Variants in DCDC2 observed in about 807,000 individuals in gnomAD.
DCDC2 encodes doublecortin domain-containing protein 2.
A neutral mutation model predicts 50.2 loss-of-function variants in DCDC2; 40 were observed. That is an observed-to-expected ratio of 0.80 (90% CI 0.62 to 1.04). The LOEUF (loss-of-function observed/expected upper bound fraction) is 1.04, where lower values mean the gene tolerates loss of function less well. DCDC2 is among the 50% of genes least tolerant of loss of function. The pLI is 0.00. For synonymous variants in DCDC2, 234 were observed against 210.6 expected, an observed-to-expected ratio of 1.11 and a Z score of -0.96; for missense variants, 570 against 581.9, an observed-to-expected ratio of 0.98 and a Z score of 0.21.
intron 4 of DCDC2, among the ~76,000 whole-genome samples, chr6:24,297,139 A>G (rs186282281): frequency 0.014 from 2,110 of 152,304 alleles, 28 homozygotes; most frequent in Non-Finnish European, 0.018. Context: ...GCCATAAAAA[A>G]GGGTCAGATC....
intron 2 of DCDC2, among the ~76,000 whole-genome samples, chr6:24,344,915 G>C (rs1760228344): frequency 6.6e-6 from 1 of 152,174 alleles, no homozygotes; most frequent in Admixed American, 6.5e-5. Context: ...AGTGGTGGGG[G>C]AAAAGGTATA....
At position 24,227,705 on chromosome 6, in the gene DCDC2, T is replaced by C. The variant is rs139559204; in HGVS notation, c.923-22603A>G. Among the ~76,000 whole-genome samples, 302 of 152,266 alleles carry C rather than the reference T, an allele frequency of 2.0e-3. 1 individual carries two copies. Among genetic ancestry groups the C allele is most frequent in the African/African-American group, 7.1e-3 (297 of 41,548 alleles). ...TGCTAACTGGCTGGGAATGACAGAA[T>C]CCACCTGCTGGTTTTGCTAGCAGCA... On this transcript the variant is annotated intron_variant, in intron 7 of 9. Coordinates refer to ENST00000378454, the MANE Select transcript of DCDC2 (RefSeq NM_016356.5).
chr6:24,290,810 T>A lies in DCDC2; in HGVS notation c.704+122A>T, dbSNP rs549869381. ...AAAGATCAATGTATACCATATATGC[T>A]TTCCATTCTAAGTAATAAATAAGAT... On this transcript the variant is annotated intron_variant, in intron 5 of 9. Transcript: ENST00000378454. 6 of 871,444 alleles carry A rather than the reference T, an allele frequency of 6.9e-6. No individual in the cohort carries two copies. The East Asian group carries it at 1.7e-4, about 24-fold the overall frequency. 54.0% of individuals were successfully genotyped at this position (871,444 alleles called of 1,614,324 possible).
intron 2 of DCDC2, among the ~76,000 whole-genome samples, chr6:24,342,642 G>A (rs1243511224): frequency 6.6e-6 from 1 of 151,776 alleles, no homozygotes; most frequent in Non-Finnish European, 1.5e-5. Context: ...AAAATAGATA[G>A]AAAGCAGGTA....
At chr6:24,242,778 A>G (rs77098053) in intron 7 of DCDC2, among the ~76,000 whole-genome samples, 3,038 of 152,222 alleles carry the variant, frequency 0.02, 89 homozygotes, top group African/African-American at 0.065. Context: ...CCTGGCCAAC[A>G]TAACAAAACC....
intron 7 of DCDC2, among the ~76,000 whole-genome samples, chr6:24,223,964 C>G (rs1176313703): frequency 3.3e-5 from 5 of 152,222 alleles, no homozygotes; most frequent in Non-Finnish European, 7.3e-5. Context: ...TTCTAATGAC[C>G]TTGACCTCAT....
At chr6:24,364,767 C>T in the DCDC2 span, among the ~76,000 whole-genome samples, 1 of 151,862 alleles carries the variant, frequency 6.6e-6, no homozygotes, top group Non-Finnish European at 1.5e-5. Flanking sequence ...CCTTGACAAC[C>T]GAAGAGATTC....
chr6:24,229,020 G>A (rs574658471), intron 7 of DCDC2, among the ~76,000 whole-genome samples: 2 of 152,326 alleles, frequency 1.3e-5, no homozygotes, highest in South Asian at 4.1e-4. Context: ...GCACTGCTAA[G>A]TAGATGCGTT....
chr6:24,213,645 G>T (rs200526055), intron 7 of DCDC2, among the ~76,000 whole-genome samples: 2 of 152,118 alleles, frequency 1.3e-5, no homozygotes, highest in East Asian at 3.8e-4. Flanking sequence ...TACAGATATA[G>T]ATTGTTGTCA....
chr6:24,176,008 T>C (rs1760900512), intron 9 of DCDC2, among the ~76,000 whole-genome samples: 1 of 152,168 alleles, frequency 6.6e-6, no homozygotes, highest in African/African-American at 2.4e-5. Context: ...TAATCCCTAA[T>C]TAGGCCGGGC....
chr6:24,296,179 T>C (rs983436529), intron 4 of DCDC2, among the ~76,000 whole-genome samples: 1 of 152,170 alleles, frequency 6.6e-6, no homozygotes, highest in Non-Finnish European at 1.5e-5. Flanking sequence ...ACAGTACACC[T>C]ACTTCCATCT....
intron 7 of DCDC2, 74 bp from the exon 8 acceptor site, chr6:24,205,176 C>T (rs749054505): frequency 1.2e-6 from 2 of 1,613,934 alleles, no homozygotes; most frequent in Non-Finnish European, 1.7e-6. Context: ...GAATTACAAT[C>T]AAATGCTTAT....
At chr6:24,306,828 A>C (rs1216859712) in intron 2 of DCDC2, among the ~76,000 whole-genome samples, 1 of 152,218 alleles carries the variant, frequency 6.6e-6, no homozygotes, top group Non-Finnish European at 1.5e-5. Context: ...AAGTTCACAA[A>C]TTCCATAACA....
chr6:24,266,071 G>C (rs1275243391), intron 7 of DCDC2, among the ~76,000 whole-genome samples: 1 of 151,976 alleles, frequency 6.6e-6, no homozygotes, highest in East Asian at 1.9e-4. Context: ...TTTGACAAAG[G>C]TGACAAGAAC....
chr6:24,284,562 G>A (rs1037448872), intron 6 of DCDC2, among the ~76,000 whole-genome samples: 1 of 148,280 alleles, frequency 6.7e-6, no homozygotes, highest in Non-Finnish European at 1.5e-5. Flanking sequence ...AGTGAGCCGA[G>A]ATCATGCCAC....
chr6:24,372,564 C>T, the DCDC2 span, among the ~76,000 whole-genome samples: 10 of 152,148 alleles, frequency 6.6e-5, no homozygotes, highest in African/African-American at 1.9e-4. Context: ...GGCACATATA[C>T]ACCATGGAAT....
intron 7 of DCDC2, among the ~76,000 whole-genome samples, chr6:24,231,568 C>G (rs1087290): frequency 0.52 from 78,257 of 151,844 alleles, 21,979 homozygotes; most frequent in Non-Finnish European, 0.61. Flanking sequence ...TCCCCTCCCC[C>G]ATCCTCCACC....
chr6:24,222,205 C>T (rs1762133767), intron 7 of DCDC2, among the ~76,000 whole-genome samples: 1 of 152,108 alleles, frequency 6.6e-6, no homozygotes, highest in Non-Finnish European at 1.5e-5. Context: ...CATTAATTTA[C>T]AAAGGGAAAC....
chr6:24,376,343 G>T, the DCDC2 span, among the ~76,000 whole-genome samples: 1 of 152,224 alleles, frequency 6.6e-6, no homozygotes, highest in South Asian at 2.1e-4. Context: ...AGGGAGCAGA[G>T]TCGTCTTGGC....
Sources: allele counts gnomAD v4.1 joint callset (sites outside exome capture counted in the v4.1 genomes callset), GRCh38; gene constraint gnomAD v4.1.1; transcripts MANE v1.5; gene names NCBI Gene and HGNC (gene_info 2026-07-23, HGNC 2026-07-21).